Variants in TC2N observed in about 807,000 individuals in gnomAD.
TC2N encodes the protein tandem C2 domains nuclear protein.
A neutral mutation model predicts 61.9 loss-of-function variants in TC2N; 51 were observed. That is an observed-to-expected ratio of 0.82 (90% CI 0.66 to 1.04). The LOEUF (loss-of-function observed/expected upper bound fraction) is 1.04. TC2N is among the 50% of genes least tolerant of loss of function. The pLI, the probability that TC2N is intolerant of heterozygous loss-of-function variation, is 0.00. For missense variants in TC2N, 556 were observed against 566.7 expected, an observed-to-expected ratio of 0.98 and a Z score of 0.19; for synonymous variants, 204 against 192.6, an observed-to-expected ratio of 1.06 and a Z score of -0.49.
chr14:91,854,535 AGGGGG>A (rs1888445284), intron 1 of TC2N, among the ~76,000 whole-genome samples: 1 of 139,638 alleles, frequency 7.2e-6, no homozygotes, highest in Non-Finnish European at 1.6e-5. Context: ...GAGGAGGAGG[AGGGGG>A]TAAAACATAA....
intron 1 of TC2N, among the ~76,000 whole-genome samples, chr14:91,845,249 A>AAATAAATG (rs1298104896): frequency 1.4e-5 from 2 of 146,966 alleles, no homozygotes; most frequent in African/African-American, 5.3e-5. Flanking sequence ...ATAAATAAAT[A>AAATAAATG]AATAAATAAA....
intron 1 of TC2N, chr14:91,866,692 T>A: frequency 6.6e-6 from 1 of 152,248 alleles, no homozygotes; most frequent in African/African-American, 2.4e-5. Context: ...GGGGCAAAGC[T>A]GACAAGGAAT....
At chr14:91,807,375 A>G (rs985468042) in intron 3 of TC2N, among the ~76,000 whole-genome samples, 2 of 152,188 alleles carry the variant, frequency 1.3e-5, no homozygotes, top group Non-Finnish European at 2.9e-5. Flanking sequence ...CAGATACTCA[A>G]CACCAGCCCG....
chr14:91,801,139 T>G (rs958424013), intron 4 of TC2N, among the ~76,000 whole-genome samples: 4 of 151,866 alleles, frequency 2.6e-5, no homozygotes, highest in Non-Finnish European at 5.9e-5. Context: ...ACGAACATGA[T>G]AGACTATAAT....
chr14:91,795,300 G>C (rs1331055135), intron 8 of TC2N, among the ~76,000 whole-genome samples: 1 of 152,156 alleles, frequency 6.6e-6, no homozygotes, highest in Non-Finnish European at 1.5e-5. Context: ...CAACAGCAGG[G>C]TTTGAGAGGA....
intron 1 of TC2N, among the ~76,000 whole-genome samples, chr14:91,816,835 T>C (rs1009241846): frequency 5.3e-5 from 8 of 151,890 alleles, no homozygotes; most frequent in African/African-American, 1.9e-4. Flanking sequence ...CCATATGCAA[T>C]TGGGTTTATT....
chr14:91,829,686 T>G (rs2139892424), intron 1 of TC2N, among the ~76,000 whole-genome samples: 1 of 152,282 alleles, frequency 6.6e-6, no homozygotes, highest in South Asian at 2.1e-4. Context: ...ATTTCGAGGT[T>G]CTATCATTCT....
At chr14:91,821,581 T>C (rs891151373) in intron 1 of TC2N, among the ~76,000 whole-genome samples, 3 of 152,038 alleles carry the variant, frequency 2.0e-5, no homozygotes, top group Non-Finnish European at 4.4e-5. Context: ...CTTTGTAAAC[T>C]TGGGTTAGGC....
rs537086779 is a variant in TC2N at position 91,831,778 on chromosome 14, G to C, written c.-56-17953C>G. ...TAAATAGATTTTCTTTTTTAGAGTA[G>C]TTTTAGAATCACAGTAAAATTGAGA... On this transcript the variant is annotated intron_variant, in intron 1 of 11. Transcript: ENST00000435962. Among the ~76,000 whole-genome samples the C allele has an allele frequency of 1.3e-4, 20 of 152,262 alleles. No homozygotes were observed. In the South Asian group the frequency reaches 4.1e-3, roughly 32 times the overall value.
chr14:91,785,406 C>T, intron 10 of TC2N, 45 bp from the exon 11 acceptor site: 2 of 1,474,108 alleles, frequency 1.4e-6, no homozygotes, highest in Non-Finnish European at 1.9e-6. Flanking sequence ...ATTCAAAATA[C>T]CATATAAAGA....
chr14:91,785,948 G>C (rs1259948816), intron 10 of TC2N, among the ~76,000 whole-genome samples: 1 of 152,086 alleles, frequency 6.6e-6, no homozygotes, highest in Non-Finnish European at 1.5e-5. Flanking sequence ...GAACTTCACT[G>C]GGTAAAATTC....
chr14:91,789,630 A>C (rs115643964), intron 9 of TC2N, among the ~76,000 whole-genome samples: 2,900 of 150,698 alleles, frequency 0.019, 88 homozygotes, highest in African/African-American at 0.066. Context: ...AAACAAAAAA[A>C]AAAAACAGAG....
intron 1 of TC2N, among the ~76,000 whole-genome samples, chr14:91,839,864 A>G (rs552820825): frequency 2.0e-5 from 3 of 152,314 alleles, no homozygotes; most frequent in Admixed American, 6.5e-5. Context: ...TGACATTTCA[A>G]AAGTGTCATG....
At chr14:91,851,244 G>A (rs1888369360) in intron 1 of TC2N, among the ~76,000 whole-genome samples, 1 of 152,130 alleles carries the variant, frequency 6.6e-6, no homozygotes, top group Admixed American at 6.5e-5. Context: ...ATTTAAATGC[G>A]AATTATATAA....
At chr14:91,814,888 A>T (rs1335858334) in intron 1 of TC2N, among the ~76,000 whole-genome samples, 1 of 151,706 alleles carries the variant, frequency 6.6e-6, no homozygotes, top group East Asian at 1.9e-4. Context: ...GGTAATGCAG[A>T]TGTAAGCTAG....
At chr14:91,783,318 AT>A in intron 11 of TC2N, 108 bp from the exon 12 acceptor site, 3 of 571,998 alleles carry the variant, frequency 5.2e-6, no homozygotes, top group Non-Finnish European at 9.1e-6. Flanking sequence ...TTTGCTTTAC[AT>A]ATTTTAAATT....
rs1885185362 is a variant in TC2N, at chr14:91,782,767, T to G, written c.*333A>C. The G allele has an allele frequency of 5.1e-6, 1 of 197,660 alleles. No homozygotes were observed. The highest frequency in any genetic ancestry group is 5.9e-5 in the Admixed American group (1 of 17,036). The allele number at this position is 197,660 out of a possible 1,614,324, so 12.2% of individuals were successfully genotyped here. On this transcript the variant is annotated 3_prime_UTR_variant, in exon 12 of 12. Coordinates refer to ENST00000435962, the MANE Select transcript of TC2N (RefSeq NM_001128596.3). ...CAGGTTTTGAATATCTAAGTAAAGCTTAAAATACAAAAGCGAAAACATAAT... is the reference window on the plus strand; with the variant it reads ...CAGGTTTTGAATATCTAAGTAAAGCGTAAAATACAAAAGCGAAAACATAAT...
intron 1 of TC2N, among the ~76,000 whole-genome samples, chr14:91,834,461 TTTC>T (rs2139900293): frequency 6.6e-6 from 1 of 152,286 alleles, no homozygotes; most frequent in African/African-American, 2.4e-5. Flanking sequence ...ATTTCTCTTT[TTTC>T]TTTTCTTTTC....
chr14:91,855,494 C>T (rs1025540758), intron 1 of TC2N, among the ~76,000 whole-genome samples: 2 of 152,138 alleles, frequency 1.3e-5, no homozygotes, highest in African/African-American at 2.4e-5. Flanking sequence ...TTTGTGTGGC[C>T]GCCCTCTTCT....
Sources: gnomAD v4.1 joint callset for allele counts (sites outside exome capture counted in the v4.1 genomes callset) on GRCh38, gnomAD v4.1.1 for gene constraint, MANE v1.5 for transcripts, NCBI Gene and HGNC (gene_info 2026-07-23, HGNC 2026-07-21) for gene names.